Variants in SPMIP8 observed in about 807,000 individuals in gnomAD.
SPMIP8 encodes the protein sperm microtubule inner protein 8.
the SPMIP8 span, among the ~76,000 whole-genome samples, chr16:57,983,860 G>A: frequency 1.4e-4 from 21 of 152,250 alleles, no homozygotes; most frequent in African/African-American, 4.6e-4. Context: ...TGATCCACCC[G>A]CTTTGGCCTC....
the SPMIP8 span, chr16:57,986,057 G>A: frequency 7.4e-7 from 1 of 1,348,172 alleles, no homozygotes; most frequent in South Asian, 1.5e-5. Flanking sequence ...GCCTGGCGAG[G>A]AGGAGGGGCC....
the SPMIP8 span, chr16:57,984,305 G>T: frequency 3.1e-6 from 5 of 1,614,212 alleles, no homozygotes; most frequent in Non-Finnish European, 4.2e-6. Context: ...TTCAACAGAT[G>T]AATTTGACAA....
At chr16:57,987,342 T>A in the SPMIP8 span, 2 of 1,462,422 alleles carry the variant, frequency 1.4e-6, no homozygotes, top group Admixed American at 5.3e-5. Context: ...AAAGCCTGAT[T>A]TTTCCCCTAG....
the SPMIP8 span, chr16:57,977,686 C>T: frequency 9.6e-7 from 1 of 1,038,416 alleles, no homozygotes. Flanking sequence ...AATGGCCTGG[C>T]ACACAGTAGG....
the SPMIP8 span, among the ~76,000 whole-genome samples, chr16:57,981,395 T>TATTATTATTATTATA: frequency 1.6e-5 from 2 of 127,800 alleles, no homozygotes; most frequent in East Asian, 4.1e-4. Context: ...TAATAATAAT[T>TATTATTATTATTATA]ATTATTATTA....
the SPMIP8 span, among the ~76,000 whole-genome samples, chr16:57,979,043 G>A: frequency 3.9e-5 from 6 of 152,224 alleles, no homozygotes; most frequent in Non-Finnish European, 8.8e-5. Context: ...TCTCCTCACA[G>A]CCCCCATGCA....
At chr16:57,979,015 A>G in the SPMIP8 span, among the ~76,000 whole-genome samples, 1 of 152,140 alleles carries the variant, frequency 6.6e-6, no homozygotes, top group Admixed American at 6.5e-5. Flanking sequence ...CTGTATGTGG[A>G]AAAGAGAGAG....
the SPMIP8 span, among the ~76,000 whole-genome samples, chr16:57,979,913 C>T: frequency 6.6e-6 from 1 of 152,076 alleles, no homozygotes; most frequent in South Asian, 2.1e-4. Context: ...ACTAAAAATA[C>T]AAAAATTAGC....
chr16:57,979,362 G>T, the SPMIP8 span, among the ~76,000 whole-genome samples: 7 of 152,106 alleles, frequency 4.6e-5, no homozygotes, highest in African/African-American at 1.7e-4. Flanking sequence ...CGTGGGGAAG[G>T]AACACTCCAC....
At chr16:57,977,056 A>G in the SPMIP8 span, among the ~76,000 whole-genome samples, 1 of 152,208 alleles carries the variant, frequency 6.6e-6, no homozygotes, top group Non-Finnish European at 1.5e-5. Context: ...ACCCAGAGGT[A>G]TACGGCATAC....
the SPMIP8 span, chr16:57,985,826 G>C: frequency 2.0e-6 from 3 of 1,505,596 alleles, no homozygotes; most frequent in African/African-American, 4.2e-5. Flanking sequence ...GCGGGGAGAG[G>C]GGGTGGCTCC....
At chr16:57,984,183 T>G in the SPMIP8 span, 2 of 886,226 alleles carry the variant, frequency 2.3e-6, no homozygotes, top group Non-Finnish European at 3.8e-6. Context: ...GGATTACAGG[T>G]GTGAGCCATC....
At chr16:57,979,228 C>T in the SPMIP8 span, among the ~76,000 whole-genome samples, 1 of 152,116 alleles carries the variant, frequency 6.6e-6, no homozygotes, top group Non-Finnish European at 1.5e-5. Context: ...GGAGTGCAGG[C>T]CCATACCTAG....
At chr16:57,986,123 G>T in the SPMIP8 span, 1 of 667,352 alleles carries the variant, frequency 1.5e-6, no homozygotes, top group Non-Finnish European at 2.3e-6. Context: ...TGGCAAATGT[G>T]CAGCCCACTG....
chr16:57,985,844 G>A, the SPMIP8 span: 2 of 1,549,506 alleles, frequency 1.3e-6, no homozygotes, highest in African/African-American at 2.7e-5. Context: ...TCCCGAGGTC[G>A]AGTGAGGCGC....
At chr16:57,981,392 A>AATAATAATTATTATT in the SPMIP8 span, among the ~76,000 whole-genome samples, 1 of 83,586 alleles carries the variant, frequency 1.2e-5, no homozygotes, top group Admixed American at 1.1e-4. Flanking sequence ...TAATAATAAT[A>AATAATAATTATTATT]ATTATTATTA....
chr16:57,984,550 A>G, the SPMIP8 span: 20 of 1,496,964 alleles, frequency 1.3e-5, no homozygotes, highest in Non-Finnish European at 1.8e-5. Flanking sequence ...CCACTTGTCA[A>G]CTGAGGCCTT....
chr16:57,978,235 G>A, the SPMIP8 span, among the ~76,000 whole-genome samples: 1 of 152,214 alleles, frequency 6.6e-6, no homozygotes, highest in Non-Finnish European at 1.5e-5. Flanking sequence ...AAGTGTTGTT[G>A]TGGGGTTAGA....
At chr16:57,985,219 C>A in the SPMIP8 span, 1 of 1,542,976 alleles carries the variant, frequency 6.5e-7, no homozygotes, top group Non-Finnish European at 8.7e-7. Flanking sequence ...AGGGTCTCAG[C>A]GGCTACGCGG....
Sources: gnomAD v4.1 joint callset for allele counts (sites outside exome capture counted in the v4.1 genomes callset) on GRCh38, gnomAD v4.1.1 for gene constraint, MANE v1.5 for transcripts, NCBI Gene and HGNC (gene_info 2026-07-23, HGNC 2026-07-21) for gene names.